TBC1D16: variants seen among roughly 807,000 people sequenced by gnomAD.
TBC1D16 encodes the protein CTD-2529O21.1.
Under a neutral mutation model 74.7 loss-of-function variants are expected in TBC1D16, and 58 were observed. The ratio of observed to expected loss-of-function variants is 0.78; its 90% CI spans 0.63 to 0.97. The LOEUF (loss-of-function observed/expected upper bound fraction) is 0.97. TBC1D16 is among the 50% of genes least tolerant of loss of function. The pLI is 0.00. For synonymous variants in TBC1D16, 493 were observed against 474.7 expected, an observed-to-expected ratio of 1.04 and a Z score of -0.50; for missense variants, 1,014 against 1,079.5, an observed-to-expected ratio of 0.94 and a Z score of 0.85.
chr17:80,010,588 C>T lies in TBC1D16; in HGVS notation c.351G>A (p.Arg117=). ...KAPRPRGRRT[R]SSGASHQPSP... ...AGGGCTGGTGGGAGGCTCCTGAGCT[C>T]CGGGTGCGCCGGCCCCGAGGGCGGG... Residue 117 remains arginine, a synonymous_variant, in exon 3 of 12, where the codon CGG becomes CGA. Coordinates refer to ENST00000310924, the MANE Select transcript of TBC1D16 (RefSeq NM_019020.4). This position sits in a 1 kb window ranked among gnomAD's most constrained non-coding sequence, Gnocchi z 8.8. The T allele has an allele frequency of 6.3e-7, 1 of 1,590,788 alleles. No homozygotes were observed. Among genetic ancestry groups the T allele is most frequent in the Non-Finnish European group, 8.5e-7 (1 of 1,171,146 alleles).
chr17:79,986,067 T>TTA lies in TBC1D16; in HGVS notation c.779+24091_779+24092dup, dbSNP rs1451722888. ...TTGAAAGGTCCTGACTAGAATCTGT[T>TTA]TATATTTTGACTGCACTGGCATCTG... On this transcript the variant is annotated intron_variant, in intron 3 of 11. Coordinates refer to ENST00000310924, the MANE Select transcript of TBC1D16 (RefSeq NM_019020.4). This position sits in a 1 kb window ranked among gnomAD's most constrained non-coding sequence, Gnocchi z 6.0. Among the ~76,000 whole-genome samples the TTA allele has an allele frequency of 2.0e-5, 3 of 152,224 alleles. No homozygotes were observed. Among genetic ancestry groups the TTA allele is most frequent in the African/African-American group, 7.2e-5 (3 of 41,456 alleles).
Position 79,954,999 on chromosome 17 carries a change from TCCCC to T in TBC1D16, c.780-2185_780-2182del, listed in dbSNP as rs2033269872. Among the ~76,000 whole-genome samples the T allele has an allele frequency of 6.6e-6, 1 of 151,764 alleles. No homozygotes were observed. ...TGCTGCCGTGGCCACAGAAGACTGGTCCCCTGGAGGGCCGGAGCCGATTTCAAAC... is the reference window on the plus strand; with the variant it reads ...TGCTGCCGTGGCCACAGAAGACTGGTTGGAGGGCCGGAGCCGATTTCAAAC... On this transcript the variant is annotated intron_variant, in intron 3 of 11. Transcript: ENST00000310924. The surrounding 1 kb of genome is among the most constrained non-coding windows in gnomAD (Gnocchi z 5.5).
At chr17:79,995,303 A>G (rs1164822349) in intron 3 of TBC1D16, among the ~76,000 whole-genome samples, 1 of 151,968 alleles carries the variant, frequency 6.6e-6, no homozygotes, top group Non-Finnish European at 1.5e-5. Context: ...CCGTTTCAAA[A>G]AAAAAAAATT....
At chr17:79,942,789 A>G (rs1568567044) in intron 10 of TBC1D16, among the ~76,000 whole-genome samples, 1 of 152,226 alleles carries the variant, frequency 6.6e-6, no homozygotes, top group Non-Finnish European at 1.5e-5. Flanking sequence ...CAGAGCGGGC[A>G]CAGCAGCTCA....
chr17:79,943,117 G>A (rs114599191), intron 10 of TBC1D16, among the ~76,000 whole-genome samples: 1,602 of 152,320 alleles, frequency 0.011, 22 homozygotes, highest in African/African-American at 0.035. Context: ...CAGGCTGAGC[G>A]GAGCACACCA....
In TBC1D16 at chr17:80,019,000, C is replaced by T. The variant is rs1317687899; in HGVS notation, c.-62-5391G>A. 6.7e-5 allele frequency among the ~76,000 whole-genome samples: 10 copies of T among 150,306 alleles called. 1 individual carries two copies. Among genetic ancestry groups the T allele is most frequent in the South Asian group, 2.1e-4 (1 of 4,786 alleles). ...CGTTTTGGGTGCTCTGTAGCCTGCG[C>T]GGTGTCCACACTGGACAAGGCCGCA... On this transcript the variant is annotated intron_variant, in intron 1 of 11. Coordinates refer to ENST00000310924, the MANE Select transcript of TBC1D16 (RefSeq NM_019020.4).
At chr17:80,022,399 C>T (rs547244568) in intron 1 of TBC1D16, among the ~76,000 whole-genome samples, 2 of 149,934 alleles carry the variant, frequency 1.3e-5, no homozygotes, top group East Asian at 3.9e-4. Context: ...TGCAGTGGTG[C>T]TATCTTGGCT....
At position 79,940,981 on chromosome 17, in the gene TBC1D16, G is replaced by A; in HGVS notation, c.2182C>T (p.His728Tyr). ...GGACAGCTCTCCGAGCCGGGATGGT[G>A]GCCGGTGCACTCCACCGCGGGCATG... ...GSMPAVECTGHHPGSESCPYG... is the reference protein window; with the variant it reads ...GSMPAVECTGYHPGSESCPYG... Residue 728 changes from histidine (H) to tyrosine (Y), a missense_variant, in exon 12 of 12, where the codon CAC becomes TAC. Coordinates refer to ENST00000310924, the MANE Select transcript of TBC1D16 (RefSeq NM_019020.4). This position sits in a 1 kb window ranked among gnomAD's most constrained non-coding sequence, Gnocchi z 5.4. 1 of 1,607,802 alleles carries A rather than the reference G, an allele frequency of 6.2e-7. No homozygotes were observed. The highest frequency in any genetic ancestry group is 8.5e-7 in the Non-Finnish European group (1 of 1,177,896).
In TBC1D16 at chr17:79,941,125, G is replaced by T; in HGVS notation, c.2056-18C>A. The T allele has an allele frequency of 6.5e-7, 1 of 1,545,360 alleles. No homozygotes were observed. On this transcript the variant is annotated intron_variant, in intron 11 of 11. Transcript: ENST00000310924. This position sits in a 1 kb window ranked among gnomAD's most constrained non-coding sequence, Gnocchi z 4.3. ...CTCCTCGCCTGCAGACAGAGGACGG[G>T]GGGTGAGGAGGGGCCGGGGGACAGC...
chr17:79,952,914 CA>C, intron 3 of TBC1D16, 96 bp from the exon 4 acceptor site: 1 of 1,441,784 alleles, frequency 6.9e-7, no homozygotes, highest in Non-Finnish European at 9.3e-7. Flanking sequence ...TAAACCTACG[CA>C]CCAAGCTTAA....
intron 3 of TBC1D16, among the ~76,000 whole-genome samples, chr17:79,995,958 A>G (rs1367972483): frequency 6.6e-6 from 1 of 152,226 alleles, no homozygotes; most frequent in Non-Finnish European, 1.5e-5. Context: ...AAAGAACTAC[A>G]GACTGGGAGA....
chr17:79,949,091 TCCTC>T, intron 7 of TBC1D16, 85 bp from the exon 8 acceptor site: 1 of 1,567,534 alleles, frequency 6.4e-7, no homozygotes, highest in Non-Finnish European at 8.7e-7. Context: ...AAGCCACCCT[TCCTC>T]CCAACCCCCG....
In TBC1D16 at chr17:80,001,789, C is replaced by T. The variant is rs1048154309; in HGVS notation, c.779+8371G>A. 6.6e-6 allele frequency among the ~76,000 whole-genome samples: 1 copy of T among 151,784 alleles called. No homozygotes were observed. Among genetic ancestry groups the T allele is most frequent in the African/African-American group, 2.4e-5 (1 of 41,302 alleles). On this transcript the variant is annotated intron_variant, in intron 3 of 11. Transcript: ENST00000310924. This position sits in a 1 kb window ranked among gnomAD's most constrained non-coding sequence, Gnocchi z 5.8. ...GCACGGCCCACCCTCCCCACTCACC[C>T]CTTGCCCCCTTCCCTGCTGTCTCTT...
In TBC1D16 at chr17:79,979,096, C is replaced by A. The variant is rs533707705; in HGVS notation, c.780-26278G>T. ...CCAATGAGATGATTCTAAACCAAAG[C>A]GCCCTCGTGGGCTCCACGCTCTCAG... On this transcript the variant is annotated intron_variant, in intron 3 of 11. Transcript: ENST00000310924. The surrounding 1 kb of genome is among the most constrained non-coding windows in gnomAD (Gnocchi z 4.8). Among the ~76,000 whole-genome samples, 2 of 152,236 alleles carry A rather than the reference C, an allele frequency of 1.3e-5. No homozygotes were observed. Among genetic ancestry groups the A allele is most frequent in the Non-Finnish European group, 2.9e-5 (2 of 68,050 alleles).
chr17:79,971,917 G>C lies in TBC1D16; in HGVS notation c.780-19099C>G, dbSNP rs2034121922. Among the ~76,000 whole-genome samples, 1 of 152,152 alleles carries C rather than the reference G, an allele frequency of 6.6e-6. No individual in the cohort carries two copies. Among genetic ancestry groups the C allele is most frequent in the Non-Finnish European group, 1.5e-5 (1 of 68,010 alleles). On this transcript the variant is annotated intron_variant, in intron 3 of 11. Coordinates refer to ENST00000310924, the MANE Select transcript of TBC1D16 (RefSeq NM_019020.4). The surrounding 1 kb of genome is among the most constrained non-coding windows in gnomAD (Gnocchi z 4.6). The stretch of plus-strand genomic sequence containing the variant: ...TGTGGGGAAGAAAGAGCCTGAGTGG[G>C]TGCAGGGACAAGGAAGGTCTGCGGA...
intron 3 of TBC1D16, among the ~76,000 whole-genome samples, chr17:79,973,271 A>C: frequency 6.6e-6 from 1 of 151,856 alleles, no homozygotes; most frequent in East Asian, 2.0e-4. Flanking sequence ...GATGAACAAC[A>C]ATAATAATAA....
chr17:79,997,236 T>C (rs2035307658), intron 3 of TBC1D16, among the ~76,000 whole-genome samples: 1 of 152,090 alleles, frequency 6.6e-6, no homozygotes, highest in South Asian at 2.1e-4. Flanking sequence ...GTAATACCCG[T>C]GAGACCTGTG....
chr17:80,001,798 C>G lies in TBC1D16; in HGVS notation c.779+8362G>C, dbSNP rs1368124478. 6.6e-6 allele frequency among the ~76,000 whole-genome samples: 1 copy of G among 151,820 alleles called. No homozygotes were observed. The highest frequency in any genetic ancestry group is 1.9e-4 in the East Asian group (1 of 5,166). The stretch of plus-strand genomic sequence containing the variant: ...ACCCTCCCCACTCACCCCTTGCCCC[C>G]TTCCCTGCTGTCTCTTGCCCTGGAC... On this transcript the variant is annotated intron_variant, in intron 3 of 11. Transcript: ENST00000310924. This position sits in a 1 kb window ranked among gnomAD's most constrained non-coding sequence, Gnocchi z 5.8.
chr17:80,013,674 G>T, intron 1 of TBC1D16, 65 bp from the exon 2 acceptor site: 1 of 1,026,572 alleles, frequency 9.7e-7, no homozygotes, highest in East Asian at 2.8e-5. Context: ...ACAGCAGTAC[G>T]TGTCGCCTCG....
Sources: allele counts gnomAD v4.1 joint callset (sites outside exome capture counted in the v4.1 genomes callset), GRCh38; gene constraint gnomAD v4.1.1; non-coding constraint Gnocchi (gnomAD v3.1); transcripts MANE v1.5; gene names NCBI Gene and HGNC (gene_info 2026-07-23, HGNC 2026-07-21).